ASH1L: variants seen among roughly 807,000 people sequenced by gnomAD.
ASH1L encodes the protein histone-lysine N-methyltransferase ASH1L.
ASH1L carries 23 observed loss-of-function variants against 269.0 expected under a neutral mutation model. The ratio of observed to expected loss-of-function variants is 0.09; its 90% CI spans 0.06 to 0.12. ASH1L has a LOEUF of 0.12. ASH1L is among the 10% of genes least tolerant of loss of function. ASH1L has a pLI of 1.00. For synonymous variants in ASH1L, 1,187 were observed against 1,253.5 expected (o/e 0.95, Z 1.12); for missense variants, 2,912 against 3,567.8 (o/e 0.82, Z 4.68).
chr1:155,548,082 C>T (rs995012166), intron 1 of ASH1L, among the ~76,000 whole-genome samples: 4 of 152,092 alleles, frequency 2.6e-5, no homozygotes, highest in South Asian at 2.1e-4. Context: ...AACCAAACAC[C>T]GCATGTTCTC....
Position 155,385,868 on chromosome 1 carries a change from T to C in ASH1L, c.6104-5752A>G, listed in dbSNP as rs112674382. 2.6e-5 allele frequency among the ~76,000 whole-genome samples: 4 copies of C among 152,230 alleles called. 1 individual carries two copies. The highest frequency in any genetic ancestry group is 9.6e-5 in the African/African-American group (4 of 41,546). On this transcript the variant is annotated intron_variant, in intron 7 of 27. Coordinates refer to ENST00000392403, the MANE Select transcript of ASH1L (RefSeq NM_018489.3). ...GTTGGGGGATGGGGAAGCTCCCCAT[T>C]ACTGCTAGGGAATGGTTAGAATTCC...
At chr1:155,489,613 A>C (rs993879992) in intron 2 of ASH1L, among the ~76,000 whole-genome samples, 2 of 149,932 alleles carry the variant, frequency 1.3e-5, no homozygotes, top group African/African-American at 4.9e-5. Context: ...AAAAAATTAG[A>C]CGGGCATGGT....
At chr1:155,342,923 G>T in intron 24 of ASH1L, 1 of 159,684 alleles carries the variant, frequency 6.3e-6, no homozygotes, top group Admixed American at 6.1e-5. Context: ...TTCATAGCTA[G>T]CCTTGGAGAA....
chr1:155,557,444 T>C (rs12122800), intron 1 of ASH1L, among the ~76,000 whole-genome samples: 1 of 148,312 alleles, frequency 6.7e-6, no homozygotes, highest in African/African-American at 2.5e-5. Flanking sequence ...GTTTTTTGGG[T>C]TTTTTTTTTG....
intron 2 of ASH1L, among the ~76,000 whole-genome samples, chr1:155,502,360 G>A (rs1417298292): frequency 2.6e-5 from 4 of 152,056 alleles, no homozygotes; most frequent in East Asian, 1.9e-4. Flanking sequence ...ATGAGCCACC[G>A]CGCCCGGCAG....
chr1:155,562,008 C>T (rs1422890919), intron 1 of ASH1L, 145 bp downstream of exon 1: 1 of 633,158 alleles, frequency 1.6e-6, no homozygotes, highest in African/African-American at 1.9e-5. Context: ...TCAGGATCCC[C>T]CTCCCTGCTC....
chr1:155,537,278 C>A (rs186645767), intron 1 of ASH1L, among the ~76,000 whole-genome samples: 1 of 152,002 alleles, frequency 6.6e-6, no homozygotes, highest in Non-Finnish European at 1.5e-5. Context: ...CTCACTGAAA[C>A]GAATTTAAAG....
chr1:155,481,479 G>A lies in ASH1L; in HGVS notation c.1391C>T (p.Thr464Ile). Residue 464 changes from threonine to isoleucine, a missense_variant, in exon 3 of 28, where the codon ACT becomes ATT. Physicochemically the swap from Thr to Ile is moderately conservative, Grantham distance 89. Coordinates refer to ENST00000392403, the MANE Select transcript of ASH1L (RefSeq NM_018489.3). ...ESLKDSATSK[T>I]FEKNVVRQNK... ...CTGCCGTACAACATTCTTTTCAAAA[G>A]TTTTGCTGGTGGCACTATCTTTCAG... is the stretch of plus-strand genomic sequence containing the variant. The A allele has an allele frequency of 6.2e-7, 1 of 1,614,022 alleles. No homozygotes were observed. Among genetic ancestry groups the A allele is most frequent in the Non-Finnish European group, 8.5e-7 (1 of 1,179,978 alleles).
At chr1:155,499,268 A>C (rs1667357005) in intron 2 of ASH1L, among the ~76,000 whole-genome samples, 1 of 152,218 alleles carries the variant, frequency 6.6e-6, no homozygotes, top group African/African-American at 2.4e-5. Context: ...ATATAATTTA[A>C]GGAATAGACA....
At chr1:155,475,807 T>C (rs1482294539) in intron 3 of ASH1L, among the ~76,000 whole-genome samples, 1 of 152,222 alleles carries the variant, frequency 6.6e-6, no homozygotes, top group East Asian at 1.9e-4. Context: ...GATCACCTTC[T>C]CAGGAAAGAC....
At chr1:155,411,591 ATAT>A (rs1558075716) in intron 6 of ASH1L, among the ~76,000 whole-genome samples, 2,972 of 42,814 alleles carry the variant, frequency 0.069, 239 homozygotes, top group Non-Finnish European at 0.12. Flanking sequence ...AAATAAATAT[ATAT>A]ATATATATAT....
rs954897929 is a variant in ASH1L at position 155,562,710 on chromosome 1, C to G, written c.-657G>C. 9 of 1,473,680 alleles carry G rather than the reference C, an allele frequency of 6.1e-6. No homozygotes were observed. In the East Asian group the frequency reaches 2.2e-4, roughly 37 times the overall value. 91.3% of individuals were successfully genotyped at this position (1,473,680 alleles called of 1,614,324 possible). On this transcript the variant is annotated 5_prime_UTR_variant, in exon 1 of 28. Coordinates refer to ENST00000392403, the MANE Select transcript of ASH1L (RefSeq NM_018489.3). ...CCGTACGCGCTCACCCACAGGAACC[C>G]CCTCGTCCAGTCCCTCACTACCCCT...
At chr1:155,428,452 A>AAAT (rs1553255736) in intron 5 of ASH1L, among the ~76,000 whole-genome samples, 16 of 150,788 alleles carry the variant, frequency 1.1e-4, no homozygotes, top group Non-Finnish European at 8.9e-5. Context: ...CAAAAAAAAA[A>AAAT]ATATATATAT....
chr1:155,557,504 T>A (rs1350580374), intron 1 of ASH1L, among the ~76,000 whole-genome samples: 4 of 151,686 alleles, frequency 2.6e-5, no homozygotes, highest in Non-Finnish European at 5.9e-5. Context: ...ATGGTCTCGT[T>A]CTCCTGACCT....
chr1:155,513,343 G>A (rs887412045), intron 2 of ASH1L, among the ~76,000 whole-genome samples: 6 of 152,014 alleles, frequency 3.9e-5, no homozygotes, highest in African/African-American at 1.4e-4. Context: ...GAGACAGACA[G>A]ACTGTCCAGC....
Position 155,380,123 on chromosome 1 carries a change from CA to C in ASH1L, c.6104-8del. The C allele has an allele frequency of 1.2e-6, 2 of 1,601,820 alleles. No individual in the cohort carries two copies. The highest frequency in any genetic ancestry group is 1.7e-6 in the Non-Finnish European group (2 of 1,170,176). The stretch of plus-strand genomic sequence containing the variant: ...TTTTGTCTTAGATACTTTCCTGAAA[CA>C]AAAAACACTATTAATTTCAATACCT... On this transcript the variant is annotated splice_polypyrimidine_tract_variant and splice_region_variant and intron_variant, in intron 7 of 27. Transcript: ENST00000392403.
At position 155,537,751 on chromosome 1, in the gene ASH1L, T is replaced by A. The variant is rs566954292; in HGVS notation, c.-99-16133A>T. ...AGATATGACAGCATGATTTTTTTTT[T>A]TTAAAAAAAGCTGGTAAACTGAACT... On this transcript the variant is annotated intron_variant, in intron 1 of 27. Coordinates refer to ENST00000392403, the MANE Select transcript of ASH1L (RefSeq NM_018489.3). Among the ~76,000 whole-genome samples the A allele has an allele frequency of 1.7e-3, 244 of 144,770 alleles. 5 individuals carry two copies. The East Asian group carries it at 0.023, about 13-fold the overall frequency. 95.0% of individuals were successfully genotyped at this position (144,770 alleles called of 152,430 possible).
intron 6 of ASH1L, chr1:155,396,213 A>G (rs1054201495): frequency 6.6e-6 from 1 of 152,212 alleles, no homozygotes; most frequent in African/African-American, 2.4e-5. Context: ...AAAAGGGGGA[A>G]AAAAAGAAGG....
chr1:155,337,890 G>T, intron 27 of ASH1L, 139 bp from the exon 28 acceptor site: 1 of 1,013,712 alleles, frequency 9.9e-7, no homozygotes, highest in Non-Finnish European at 1.4e-6. Context: ...CCAACCCTAC[G>T]TGAAAAAGGT....
Sources: gnomAD v4.1 joint callset for allele counts (sites outside exome capture counted in the v4.1 genomes callset) on GRCh38, gnomAD v4.1.1 for gene constraint, MANE v1.5 for transcripts, NCBI Gene and HGNC (gene_info 2026-07-23, HGNC 2026-07-21) for gene names.